The following ANK1 variants were observed in gnomAD, a reference collection of about 807,000 sequenced individuals.
ANK1 encodes ankyrin-1.
Under a neutral mutation model 210.4 loss-of-function variants are expected in ANK1, and 51 were observed. That is an observed-to-expected ratio of 0.24 (90% CI 0.19 to 0.31). The LOEUF is 0.31. Among genes scored for constraint, ANK1 ranks in the 10% least tolerant of loss-of-function variants. The pLI is 1.00. For synonymous variants in ANK1, 967 were observed against 1,025.9 expected (o/e 0.94, Z 1.10); for missense variants, 2,051 against 2,504.4 (o/e 0.82, Z 3.86).
At chr8:41,735,152 A>C (rs773415292) in intron 2 of ANK1, among the ~76,000 whole-genome samples, 7 of 152,200 alleles carry the variant, frequency 4.6e-5, no homozygotes, top group Non-Finnish European at 8.8e-5. Flanking sequence ...AGTTTTATTC[A>C]TCACTCTCAT....
At chr8:41,896,343 GC>G (rs750187345) in intron 1 of ANK1, 1 of 1,586,598 alleles carries the variant, frequency 6.3e-7, no homozygotes, top group East Asian at 2.4e-5. Context: ...TTTCACCGCC[GC>G]CCCCTCCTAC....
intron 1 of ANK1, among the ~76,000 whole-genome samples, chr8:41,871,465 G>A (rs1004457490): frequency 2.6e-5 from 4 of 152,124 alleles, no homozygotes; most frequent in Admixed American, 1.3e-4. Context: ...GAGCCACCAC[G>A]TCCGGCCTAT....
At chr8:41,661,182 G>C (rs1455615797) in intron 42 of ANK1, 3 of 530,542 alleles carry the variant, frequency 5.7e-6, no homozygotes, top group South Asian at 4.0e-5. Context: ...GGCCCAAAAG[G>C]CATTCTTACA....
In ANK1 at chr8:41,797,292, G is replaced by A. The variant is rs1434905031; in HGVS notation, c.27+220C>T. Among the ~76,000 whole-genome samples the A allele has an allele frequency of 6.6e-6, 1 of 152,254 alleles. No homozygotes were observed. Among genetic ancestry groups the A allele is most frequent in the Non-Finnish European group, 1.5e-5 (1 of 68,036 alleles). ...TCAATTTGACAGCAAATCTCTGGATGTAAAAAATATGAAACTGGCTTCAGC... is the reference window on the plus strand; with the variant it reads ...TCAATTTGACAGCAAATCTCTGGATATAAAAAATATGAAACTGGCTTCAGC... On this transcript the variant is annotated intron_variant, in intron 1 of 42. Transcript: ENST00000289734. The surrounding 1 kb of genome is among the most constrained non-coding windows in gnomAD (Gnocchi z 4.0).
intron 1 of ANK1, among the ~76,000 whole-genome samples, chr8:41,795,022 A>T (rs972806815): frequency 1.1e-4 from 17 of 152,286 alleles, no homozygotes; most frequent in African/African-American, 2.6e-4. Context: ...TGTTAAACAG[A>T]CCTGGAGGAC....
chr8:41,662,004 A>T lies in ANK1; in HGVS notation c.5479-63T>A. 4 of 1,576,548 alleles carry T rather than the reference A, an allele frequency of 2.5e-6. No homozygotes were observed. In the South Asian group the frequency reaches 3.3e-5, roughly 13 times the overall value. On this transcript the variant is annotated intron_variant, in intron 40 of 42. Transcript: ENST00000289734. ...CCGGGCTCGGGGGCTCATGTCTGTA[A>T]TCTCAGCACTTTGGGAGGCTGACGT... is the stretch of plus-strand genomic sequence containing the variant.
At chr8:41,821,469 C>A in intron 1 of ANK1, among the ~76,000 whole-genome samples, 1 of 147,664 alleles carries the variant, frequency 6.8e-6, no homozygotes, top group Non-Finnish European at 1.5e-5. Flanking sequence ...AGATGTCATT[C>A]AACCGTAGGG....
At chr8:41,732,610 G>T (rs111685774) in intron 3 of ANK1, among the ~76,000 whole-genome samples, 1 of 151,692 alleles carries the variant, frequency 6.6e-6, no homozygotes, top group Non-Finnish European at 1.5e-5. Flanking sequence ...ATGGGGTTTC[G>T]CCATGTTGGC....
intron 30 of ANK1, 24 bp downstream of exon 30, chr8:41,693,081 T>G (rs780334588): frequency 6.3e-7 from 1 of 1,578,952 alleles, no homozygotes; most frequent in South Asian, 1.1e-5. Flanking sequence ...CACACAATAC[T>G]GGGCTGGGCT....
intron 39 of ANK1, chr8:41,665,067 G>A (rs775456057): frequency 1.7e-5 from 27 of 1,602,290 alleles, no homozygotes; most frequent in East Asian, 2.2e-5. Context: ...CCAGGGCCCC[G>A]GCCACCACGG....
At chr8:41,775,032 A>G (rs1258238825) in intron 1 of ANK1, among the ~76,000 whole-genome samples, 2 of 151,664 alleles carry the variant, frequency 1.3e-5, no homozygotes, top group Non-Finnish European at 2.9e-5. Flanking sequence ...ATCATTGGGA[A>G]GGTGCTAATA....
At chr8:41,709,064 G>T (rs933817836) in intron 16 of ANK1, 89 bp from the exon 17 acceptor site, 4 of 1,514,654 alleles carry the variant, frequency 2.6e-6, no homozygotes, top group Non-Finnish European at 3.6e-6. Context: ...TCTGGTTCTT[G>T]GCCGGCTGGA....
At chr8:41,843,368 G>T (rs1008695353) in intron 1 of ANK1, among the ~76,000 whole-genome samples, 3 of 152,028 alleles carry the variant, frequency 2.0e-5, no homozygotes, top group Non-Finnish European at 4.4e-5. Flanking sequence ...CTGTGCACTT[G>T]TACCCTTTCA....
At chr8:41,895,430 A>T (rs1370848637) in intron 1 of ANK1, among the ~76,000 whole-genome samples, 1 of 152,078 alleles carries the variant, frequency 6.6e-6, no homozygotes, top group Non-Finnish European at 1.5e-5. Context: ...TTCACCATCA[A>T]AGGTGTTTCT....
Position 41,668,575 on chromosome 8 carries a change from G to C in ANK1, c.5097-11C>G. ...TCCCAGTCCTGCAGTCTGGGGTCCA[G>C]AAGAAGCAGCAGATGGCCGGCCGGG... On this transcript the variant is annotated splice_polypyrimidine_tract_variant and intron_variant, in intron 38 of 42. Transcript: ENST00000289734. 1 of 1,608,664 alleles carries C rather than the reference G, an allele frequency of 6.2e-7. No individual in the cohort carries two copies. Among genetic ancestry groups the C allele is most frequent in the South Asian group, 1.1e-5 (1 of 90,936 alleles).
At chr8:41,801,942 C>T (rs1490788802), upstream of ANK1, among the ~76,000 whole-genome samples, 7 of 152,156 alleles carry the variant, frequency 4.6e-5, no homozygotes, top group Non-Finnish European at 2.9e-5. Context: ...TGAGCTTATA[C>T]AATTTTTTCT....
chr8:41,661,863 C>T lies in ANK1; in HGVS notation c.5544+13G>A, dbSNP rs1316360132. The T allele has an allele frequency of 6.2e-7, 1 of 1,614,112 alleles. No homozygotes were observed. Among genetic ancestry groups the T allele is most frequent in the Non-Finnish European group, 8.5e-7 (1 of 1,179,994 alleles). ...AGCTCACTGGGATCCTCCAGGGGCC[C>T]CTCTACAGTCACCTCCTCGTGCTCC... On this transcript the variant is annotated intron_variant, in intron 41 of 42. Transcript: ENST00000289734.
At chr8:41,736,752 G>T (rs567580429) in intron 2 of ANK1, among the ~76,000 whole-genome samples, 1 of 152,346 alleles carries the variant, frequency 6.6e-6, no homozygotes. Flanking sequence ...GCCGGCCCCT[G>T]CTGTTTGAGG....
At chr8:41,853,546 G>T (rs1811641368) in intron 1 of ANK1, among the ~76,000 whole-genome samples, 2 of 152,086 alleles carry the variant, frequency 1.3e-5, no homozygotes, top group South Asian at 4.2e-4. Flanking sequence ...TTGATGCACT[G>T]CTCCTTTTAA....
Sources: gnomAD v4.1 joint callset for allele counts (sites outside exome capture counted in the v4.1 genomes callset) on GRCh38, gnomAD v4.1.1 for gene constraint, Gnocchi (gnomAD v3.1) non-coding constraint, MANE v1.5 for transcripts, NCBI Gene and HGNC (gene_info 2026-07-23, HGNC 2026-07-21) for gene names.